Variants in PCDH9 observed in about 807,000 individuals in gnomAD.
PCDH9 encodes protocadherin-9.
PCDH9 carries 24 observed loss-of-function variants against 70.6 expected under a neutral mutation model. The observed-to-expected ratio is 0.34, with a 90% CI of 0.25 to 0.48. The LOEUF (loss-of-function observed/expected upper bound fraction) is 0.48, where lower values mean the gene tolerates loss of function less well. Among genes scored for constraint, PCDH9 ranks in the 20% least tolerant of loss-of-function variants. The pLI is 0.99. For synonymous variants in PCDH9, 562 were observed against 558.5 expected, an observed-to-expected ratio of 1.01 and a Z score of -0.09; for missense variants, 1,281 against 1,503.6, an observed-to-expected ratio of 0.85 and a Z score of 2.45.
At chr13:67,126,032 C>A (rs2086972738) in intron 2 of PCDH9, among the ~76,000 whole-genome samples, 3 of 152,088 alleles carry the variant, frequency 2.0e-5, no homozygotes, top group South Asian at 4.1e-4. Flanking sequence ...CTATCAGTAA[C>A]CCCATTTTCC....
At chr13:66,924,543 C>A (rs182706387) in intron 2 of PCDH9, among the ~76,000 whole-genome samples, 29 of 151,716 alleles carry the variant, frequency 1.9e-4, no homozygotes, top group African/African-American at 7.0e-4. Flanking sequence ...ATACTAGAGA[C>A]GTTCTTCATG....
rs1593653460 is a variant in PCDH9, at chr13:67,225,748, T to G, written c.2693A>C (p.Glu898Ala). ...EESKPDDAVH[E>A]PINGTISLPA... ...CAGGCTTATTGTCCCATTGATAGGT[T>G]CATGAACTGCATCATCGGGTTTGGA... Residue 898 changes from glutamate (E) to alanine (A), a missense_variant, in exon 2 of 5, where the codon GAA becomes GCA. Coordinates refer to ENST00000377865, the MANE Select transcript of PCDH9 (RefSeq NM_203487.3). The G allele has an allele frequency of 6.2e-7, 1 of 1,614,138 alleles. No homozygotes were observed.
At chr13:66,863,696 C>T (rs2081522599) in intron 3 of PCDH9, among the ~76,000 whole-genome samples, 1 of 152,078 alleles carries the variant, frequency 6.6e-6, no homozygotes, top group Non-Finnish European at 1.5e-5. Flanking sequence ...CCGTGTTAGC[C>T]AGATGGTCTT....
intron 4 of PCDH9, among the ~76,000 whole-genome samples, chr13:66,537,622 C>T (rs957327896): frequency 2.0e-5 from 3 of 151,906 alleles, no homozygotes; most frequent in Non-Finnish European, 2.9e-5. Context: ...GTAATGAGGT[C>T]AAGGAAAGAG....
intron 2 of PCDH9, among the ~76,000 whole-genome samples, chr13:67,173,350 A>T (rs768764692): frequency 1.3e-5 from 2 of 152,200 alleles, no homozygotes; most frequent in Non-Finnish European, 2.9e-5. Context: ...TTCCTGTGAG[A>T]AGTATTAAAT....
intron 4 of PCDH9, 37 bp from the exon 5 acceptor site, chr13:66,305,065 G>A: frequency 6.5e-7 from 1 of 1,531,438 alleles, no homozygotes; most frequent in East Asian, 2.3e-5. Flanking sequence ...AGAAAAGGAA[G>A]TGGTTAAAAT....
intron 3 of PCDH9, among the ~76,000 whole-genome samples, chr13:66,868,361 T>C (rs751788104): frequency 1.3e-5 from 2 of 152,088 alleles, no homozygotes; most frequent in Non-Finnish European, 2.9e-5. Context: ...CATCATCAAA[T>C]TTTTTATAGA....
intron 4 of PCDH9, among the ~76,000 whole-genome samples, chr13:66,481,309 A>G (rs1226302684): frequency 1.3e-5 from 2 of 151,638 alleles, no homozygotes; most frequent in Admixed American, 1.3e-4. Context: ...ATTAAAAAAA[A>G]AAAAAAAGAA....
Position 67,061,469 on chromosome 13 carries a change from T to A in PCDH9, c.3037-157864A>T, listed in dbSNP as rs78053619. Among the ~76,000 whole-genome samples the A allele has an allele frequency of 1.2e-3, 185 of 152,164 alleles. 1 individual carries two copies. The highest frequency in any genetic ancestry group is 4.4e-3 in the African/African-American group (181 of 41,534). On this transcript the variant is annotated intron_variant, in intron 2 of 4. Coordinates refer to ENST00000377865, the MANE Select transcript of PCDH9 (RefSeq NM_203487.3). Reference sequence around the variant, plus strand: ...TTACAAAATAATTGCTATATTCAAGTGCATAGAAGCTATGGTTTGAAAACT... The same window carrying A: ...TTACAAAATAATTGCTATATTCAAGAGCATAGAAGCTATGGTTTGAAAACT...
chr13:66,975,318 C>A (rs150502274), intron 2 of PCDH9, among the ~76,000 whole-genome samples: 4 of 151,958 alleles, frequency 2.6e-5, no homozygotes, highest in African/African-American at 7.2e-5. Flanking sequence ...TCCATTCTAA[C>A]GACAAATTAT....
intron 3 of PCDH9, among the ~76,000 whole-genome samples, chr13:66,891,645 T>C (rs2082097762): frequency 6.6e-6 from 1 of 152,022 alleles, no homozygotes; most frequent in Non-Finnish European, 1.5e-5. Flanking sequence ...TATACAGCAA[T>C]AGAATAGTAT....
intron 2 of PCDH9, among the ~76,000 whole-genome samples, chr13:67,133,854 T>G (rs2087167254): frequency 6.6e-6 from 1 of 152,058 alleles, no homozygotes; most frequent in African/African-American, 2.4e-5. Context: ...ATGCACTAAT[T>G]TAGATTAGAT....
chr13:66,653,646 G>A (rs1383575594), intron 3 of PCDH9, among the ~76,000 whole-genome samples: 1 of 151,944 alleles, frequency 6.6e-6, no homozygotes, highest in Non-Finnish European at 1.5e-5. Flanking sequence ...ATATGATCCA[G>A]CAATCCCTCT....
intron 2 of PCDH9, among the ~76,000 whole-genome samples, chr13:67,182,909 T>G (rs2088655670): frequency 6.6e-6 from 1 of 152,112 alleles, no homozygotes; most frequent in South Asian, 2.1e-4. Flanking sequence ...AGGAAGGATC[T>G]AAATTCTAAA....
intron 3 of PCDH9, among the ~76,000 whole-genome samples, chr13:66,774,956 T>C (rs2139282889): frequency 6.6e-6 from 1 of 152,348 alleles, no homozygotes; most frequent in Non-Finnish European, 1.5e-5. Flanking sequence ...AATTTGGATA[T>C]TATTTTCTAA....
intron 3 of PCDH9, among the ~76,000 whole-genome samples, chr13:66,781,664 G>A (rs1472454452): frequency 6.6e-6 from 1 of 152,050 alleles, no homozygotes; most frequent in Non-Finnish European, 1.5e-5. Context: ...GGACCTTGTG[G>A]CTTCTGTAAA....
intron 3 of PCDH9, among the ~76,000 whole-genome samples, chr13:66,719,206 T>C (rs2078909789): frequency 6.6e-6 from 1 of 152,168 alleles, no homozygotes; most frequent in African/African-American, 2.4e-5. Context: ...TGTAGCTAGA[T>C]GGACTTAGAC....
intron 4 of PCDH9, among the ~76,000 whole-genome samples, chr13:66,376,273 CTA>C (rs1956745228): frequency 6.6e-6 from 1 of 152,224 alleles, no homozygotes; most frequent in African/African-American, 2.4e-5. Context: ...AGTCTAAAGA[CTA>C]AAACCTTTCA....
At chr13:66,343,615 C>T (rs1956165485) in intron 4 of PCDH9, among the ~76,000 whole-genome samples, 1 of 152,210 alleles carries the variant, frequency 6.6e-6, no homozygotes. Context: ...TTTTCTGTCC[C>T]TAGCTGGAGA....
Sources: allele counts gnomAD v4.1 joint callset (sites outside exome capture counted in the v4.1 genomes callset), GRCh38; gene constraint gnomAD v4.1.1; transcripts MANE v1.5; gene names NCBI Gene and HGNC (gene_info 2026-07-23, HGNC 2026-07-21).